Variants in KDM2B observed in about 807,000 individuals in gnomAD.
KDM2B encodes the protein lysine demethylase 2B.
Under a neutral mutation model 150.0 loss-of-function variants are expected in KDM2B, and 26 were observed. The ratio of observed to expected loss-of-function variants is 0.17; its 90% CI spans 0.13 to 0.24. The LOEUF is 0.24. Ranked by LOEUF, KDM2B falls within the 10% of genes least tolerant of loss-of-function variation. The probability of loss-of-function intolerance (pLI) is 1.00; values close to 1 mark genes in which losing one functional copy is unlikely to be tolerated. For missense variants in KDM2B, 1,265 were observed against 1,816.9 expected (o/e 0.70, Z 5.52); for synonymous variants, 734 against 729.5 (o/e 1.01, Z -0.10).
In KDM2B at chr12:121,514,124, G is replaced by A. The variant is rs112614146; in HGVS notation, c.1048-722C>T. Among the ~76,000 whole-genome samples the A allele has an allele frequency of 7.1e-3, 1,080 of 152,248 alleles. 9 individuals carry two copies. Among genetic ancestry groups the A allele is most frequent in the Non-Finnish European group, 0.012 (833 of 68,012 alleles). ...GAGGGAGACACATCTCGGGTCTGGAGCAGGAGATCCCTTTTGTCCCACCTC... is the reference window on the plus strand; with the variant it reads ...GAGGGAGACACATCTCGGGTCTGGAACAGGAGATCCCTTTTGTCCCACCTC... On this transcript the variant is annotated intron_variant, in intron 9 of 22. Coordinates refer to ENST00000377071, the MANE Select transcript of KDM2B (RefSeq NM_032590.5).
intron 14 of KDM2B, chr12:121,445,056 G>A (rs1555289829): frequency 5.5e-6 from 3 of 541,466 alleles, no homozygotes; most frequent in African/African-American, 1.9e-5. Context: ...TGACATCCTG[G>A]GAGGTGGGGG....
chr12:121,470,723 C>G (rs571624477), intron 12 of KDM2B, among the ~76,000 whole-genome samples: 2 of 151,710 alleles, frequency 1.3e-5, no homozygotes, highest in Admixed American at 1.3e-4. Context: ...ATGCCAGAGA[C>G]GAGGAGGATG....
chr12:121,510,855 G>A lies in KDM2B; in HGVS notation c.1175-816C>T, dbSNP rs529229501. On this transcript the variant is annotated intron_variant, in intron 10 of 22. Coordinates refer to ENST00000377071, the MANE Select transcript of KDM2B (RefSeq NM_032590.5). ...ATAAAATAAAAATAAGTCTAAGAGA[G>A]CATCTATTATATGATTCAACTCAGT... is the stretch of plus-strand genomic sequence containing the variant. 4.0e-5 allele frequency among the ~76,000 whole-genome samples: 6 copies of A among 151,650 alleles called. No individual in the cohort carries two copies. In the East Asian group the frequency reaches 1.2e-3, roughly 29 times the overall value.
chr12:121,458,647 C>T (rs529815599), intron 12 of KDM2B, among the ~76,000 whole-genome samples: 13 of 151,930 alleles, frequency 8.6e-5, no homozygotes, highest in African/African-American at 2.9e-4. Flanking sequence ...ACTAAAAATA[C>T]AAAATTAGCC....
intron 6 of KDM2B, among the ~76,000 whole-genome samples, chr12:121,546,962 G>A (rs1164709398): frequency 6.6e-6 from 1 of 152,018 alleles, no homozygotes; most frequent in Non-Finnish European, 1.5e-5. Flanking sequence ...CTCGCAAAGT[G>A]CTGGGATTAC....
At position 121,513,234 on chromosome 12, in the gene KDM2B, A is replaced by G. The variant is rs575239170; in HGVS notation, c.1174+42T>C. ...CCACTGAGAAAATGATTTCTGCCCC[A>G]GCTGTGCAGCCGAGGCCGTGGGCTC... On this transcript the variant is annotated intron_variant, in intron 10 of 22. Coordinates refer to ENST00000377071, the MANE Select transcript of KDM2B (RefSeq NM_032590.5). The surrounding 1 kb of genome is among the most constrained non-coding windows in gnomAD (Gnocchi z 5.0). The G allele has an allele frequency of 3.2e-5, 51 of 1,599,430 alleles. No individual in the cohort carries two copies. The East Asian group carries it at 1.1e-3, about 35-fold the overall frequency.
At position 121,430,296 on chromosome 12, in the gene KDM2B, G is replaced by GT. The variant is rs1555285186; in HGVS notation, c.4002dup (p.Leu1335ThrfsTer7). On this transcript the variant is annotated frameshift_variant, in exon 23 of 23. Transcript: ENST00000377071. LOFTEE classifies it high-confidence loss of function. The surrounding 1 kb of genome is among the most constrained non-coding windows in gnomAD (Gnocchi z 4.4). ...ACATACTTATCCTTGGACTAACTCAGTTTTTGCAGGAGTTTTTCTTCTACT... is the reference window on the plus strand; with the variant it reads ...ACATACTTATCCTTGGACTAACTCAGTTTTTTGCAGGAGTTTTTCTTCTACT... 11 of 1,613,996 alleles carry GT rather than the reference G, an allele frequency of 6.8e-6. No individual in the cohort carries two copies. Among genetic ancestry groups the GT allele is most frequent in the Non-Finnish European group, 9.3e-6 (11 of 1,180,026 alleles).
At chr12:121,440,168 C>T (rs1418055177) in intron 21 of KDM2B, 93 bp from the exon 22 acceptor site, 1 of 820,640 alleles carries the variant, frequency 1.2e-6, no homozygotes, top group Admixed American at 2.3e-5. Context: ...ACCAGCCAGA[C>T]AGAACACTCA....
chr12:121,427,814 T>C (rs1017355025), downstream of KDM2B, among the ~76,000 whole-genome samples: 3 of 152,130 alleles, frequency 2.0e-5, no homozygotes, highest in African/African-American at 7.3e-5. Flanking sequence ...CCTACTTCCC[T>C]TAACTAGTCC....
chr12:121,499,884 G>C (rs545118345), intron 11 of KDM2B, among the ~76,000 whole-genome samples: 1 of 152,032 alleles, frequency 6.6e-6, no homozygotes, highest in Non-Finnish European at 1.5e-5. Flanking sequence ...CGGAGGCAGA[G>C]GTTACAGTGA....
At chr12:121,556,455 A>C (rs782323222) in intron 4 of KDM2B, among the ~76,000 whole-genome samples, 4 of 151,986 alleles carry the variant, frequency 2.6e-5, no homozygotes, top group Non-Finnish European at 4.4e-5. Flanking sequence ...CTCCCCTTCC[A>C]TCATGACTGG....
chr12:121,457,572 A>G (rs781810766), intron 12 of KDM2B, among the ~76,000 whole-genome samples: 35 of 151,916 alleles, frequency 2.3e-4, no homozygotes, highest in Middle Eastern at 3.4e-3. Flanking sequence ...TCAAACACCA[A>G]TTCTAACTTC....
chr12:121,516,597 C>G, intron 9 of KDM2B: 2 of 1,244,148 alleles, frequency 1.6e-6, no homozygotes, highest in Non-Finnish European at 2.2e-6. Context: ...AGTTAACCAA[C>G]GTCAGTCCAA....
In KDM2B at chr12:121,459,185, T is replaced by C. The variant is rs529754134; in HGVS notation, c.1735-5841A>G. Among the ~76,000 whole-genome samples the C allele has an allele frequency of 8.6e-5, 13 of 151,824 alleles. No individual in the cohort carries two copies. The East Asian group carries it at 1.9e-3, about 23-fold the overall frequency. On this transcript the variant is annotated intron_variant, in intron 12 of 22. Transcript: ENST00000377071. Reference sequence around the variant, plus strand: ...TGGTAGTGGCATAAAGACAGACCTATAGATCAATGAAACAGAATTGAGAGT... The same window carrying C: ...TGGTAGTGGCATAAAGACAGACCTACAGATCAATGAAACAGAATTGAGAGT...
chr12:121,419,640 CAAAA>C, the KDM2B span, among the ~76,000 whole-genome samples: 3 of 152,024 alleles, frequency 2.0e-5, no homozygotes, highest in Non-Finnish European at 2.9e-5. Flanking sequence ...CAAATATAGT[CAAAA>C]GAAAATATGT....
intron 4 of KDM2B, among the ~76,000 whole-genome samples, chr12:121,566,294 C>T (rs1890700685): frequency 6.6e-6 from 1 of 151,900 alleles, no homozygotes; most frequent in Non-Finnish European, 1.5e-5. Context: ...CAAGACCAGC[C>T]TGGCCAACAT....
intron 6 of KDM2B, among the ~76,000 whole-genome samples, chr12:121,536,790 G>C (rs1303902925): frequency 1.3e-5 from 2 of 151,782 alleles, no homozygotes; most frequent in African/African-American, 4.8e-5. Context: ...TTCTCTTGTC[G>C]ACAGCTGGAA....
chr12:121,462,580 G>C (rs1879260778), intron 12 of KDM2B, among the ~76,000 whole-genome samples: 1 of 151,076 alleles, frequency 6.6e-6, no homozygotes, highest in Non-Finnish European at 1.5e-5. Context: ...TGCAACCTCT[G>C]CCTCCCAGGT....
At position 121,442,644 on chromosome 12, in the gene KDM2B, CCTT is replaced by C. The variant is rs544442304; in HGVS notation, c.2794_2796del (p.Lys932del). 4,898 of 1,605,252 alleles carry C rather than the reference CCTT, an allele frequency of 3.1e-3. 11 individuals are homozygous for C. The highest frequency in any genetic ancestry group is 3.2e-3 in the Non-Finnish European group (3,779 of 1,178,674). On this transcript the variant is annotated inframe_deletion, in exon 19 of 23. Transcript: ENST00000377071. This position sits in a 1 kb window ranked among gnomAD's most constrained non-coding sequence, Gnocchi z 7.7. ...AGCCGCCGCTTCCGGCGCATCTTCACCTTCTTCTTCTCCTCCGGGCCCTCGGCC... is the reference window on the plus strand; with the variant it reads ...AGCCGCCGCTTCCGGCGCATCTTCACCTTCTTCTCCTCCGGGCCCTCGGCC...
Sources: gnomAD v4.1 joint callset for allele counts (sites outside exome capture counted in the v4.1 genomes callset) on GRCh38, gnomAD v4.1.1 for gene constraint, Gnocchi (gnomAD v3.1) non-coding constraint, MANE v1.5 for transcripts, NCBI Gene and HGNC (gene_info 2026-07-23, HGNC 2026-07-21) for gene names.